Variants in TAFA1 observed in about 807,000 individuals in gnomAD.
TAFA1 encodes the protein TAFA chemokine like family member 1, also known as chemokine-like protein TAFA-1.
A neutral mutation model predicts 18.5 loss-of-function variants in TAFA1; 4 were observed. That is an observed-to-expected ratio of 0.22 (90% CI 0.11 to 0.49). The LOEUF (loss-of-function observed/expected upper bound fraction) is 0.49. Ranked by LOEUF, TAFA1 falls within the 20% of genes least tolerant of loss-of-function variation. TAFA1 has a pLI of 0.98. For missense variants in TAFA1, 147 were observed against 169.0 expected, an observed-to-expected ratio of 0.87 and a Z score of 0.72; for synonymous variants, 56 against 55.2, an observed-to-expected ratio of 1.01 and a Z score of -0.06.
intron 2 of TAFA1, among the ~76,000 whole-genome samples, chr3:68,214,684 A>T (rs1387601268): frequency 6.6e-6 from 1 of 152,080 alleles, no homozygotes; most frequent in African/African-American, 2.4e-5. Context: ...TTATGTGCTA[A>T]ATTCTTGATT....
intron 2 of TAFA1, among the ~76,000 whole-genome samples, chr3:68,026,905 G>A (rs1704828547): frequency 6.6e-6 from 1 of 152,140 alleles, no homozygotes; most frequent in Admixed American, 6.6e-5. Context: ...AGGCTATATA[G>A]GAAGCACAGT....
At chr3:68,183,129 G>A (rs1447349850) in intron 2 of TAFA1, among the ~76,000 whole-genome samples, 1 of 152,090 alleles carries the variant, frequency 6.6e-6, no homozygotes. Flanking sequence ...CGCTTTGGGT[G>A]AAATGGTGGT....
intron 2 of TAFA1, among the ~76,000 whole-genome samples, chr3:68,411,179 T>C (rs1027047233): frequency 6.6e-6 from 1 of 152,228 alleles, no homozygotes; most frequent in Non-Finnish European, 1.5e-5. Flanking sequence ...TGTCATTTTA[T>C]GTCCTTATAG....
At position 68,161,113 on chromosome 3, in the gene TAFA1, G is replaced by A. The variant is rs552830818; in HGVS notation, c.118+154369G>A. ...TGTAATGTTATGATAATACTTTGAT[G>A]TCAACACAATCTAAGTTAGGAAGCT... On this transcript the variant is annotated intron_variant, in intron 2 of 4. Coordinates refer to ENST00000478136, the MANE Select transcript of TAFA1 (RefSeq NM_213609.4). 1.2e-4 allele frequency among the ~76,000 whole-genome samples: 18 copies of A among 152,166 alleles called. No individual in the cohort carries two copies. The South Asian group carries it at 3.1e-3, about 26-fold the overall frequency.
chr3:68,461,372 T>TATATATATATATATATATATATATAC (rs1559679336), intron 3 of TAFA1, among the ~76,000 whole-genome samples: 2 of 142,826 alleles, frequency 1.4e-5, no homozygotes, highest in African/African-American at 5.3e-5. Context: ...TATATATATA[T>TATATATATATATATATATATATATAC]ATATATATGT....
chr3:68,480,411 T>TAA lies in TAFA1; in HGVS notation c.260-58338_260-58337dup, dbSNP rs34324836. Among the ~76,000 whole-genome samples, 8 of 151,148 alleles carry TAA rather than the reference T, an allele frequency of 5.3e-5. No homozygotes were observed. The South Asian group carries it at 6.3e-4, about 12-fold the overall frequency. On this transcript the variant is annotated intron_variant, in intron 3 of 4. Transcript: ENST00000478136. ...GAGCGAGACTTGGTCTCAAAAAACATAAAAAAAAGAAAAAGAAATGTAAAT... is the reference window on the plus strand; with the variant it reads ...GAGCGAGACTTGGTCTCAAAAAACATAAAAAAAAAAGAAAAAGAAATGTAAAT...
At chr3:68,026,446 C>G (rs1357011800) in intron 2 of TAFA1, among the ~76,000 whole-genome samples, 2 of 151,862 alleles carry the variant, frequency 1.3e-5, no homozygotes, top group African/African-American at 2.4e-5. Flanking sequence ...AGAGACTTTT[C>G]AGATTTAAAT....
intron 3 of TAFA1, among the ~76,000 whole-genome samples, chr3:68,496,978 TAG>T (rs147931074): frequency 2.3e-3 from 345 of 151,918 alleles, no homozygotes; most frequent in Non-Finnish European, 3.9e-3. Context: ...CAGCTTTTAG[TAG>T]AGAGAGAGAG....
At chr3:68,087,904 CTTAT>C (rs1205569737) in intron 2 of TAFA1, among the ~76,000 whole-genome samples, 5 of 152,004 alleles carry the variant, frequency 3.3e-5, no homozygotes, top group Non-Finnish European at 5.9e-5. Flanking sequence ...ACATTATTTA[CTTAT>C]TTATTTATTC....
At chr3:68,305,030 T>C (rs531369284) in intron 2 of TAFA1, among the ~76,000 whole-genome samples, 82 of 152,166 alleles carry the variant, frequency 5.4e-4, no homozygotes, top group African/African-American at 1.8e-3. Context: ...GTACCACAGA[T>C]TGGGTGGCTT....
At chr3:68,382,632 A>C (rs1038101835) in intron 2 of TAFA1, among the ~76,000 whole-genome samples, 3 of 151,956 alleles carry the variant, frequency 2.0e-5, no homozygotes, top group African/African-American at 7.2e-5. Flanking sequence ...TTATAGTTTG[A>C]AGTCAGGTAG....
In TAFA1 at chr3:68,242,892, A is replaced by AT. The variant is rs140248019; in HGVS notation, c.119-174384dup. Among the ~76,000 whole-genome samples the AT allele has an allele frequency of 6.8e-3, 1,029 of 152,174 alleles. 19 individuals are homozygous for AT. The highest frequency in any genetic ancestry group is 0.023 in the African/African-American group (966 of 41,530). On this transcript the variant is annotated intron_variant, in intron 2 of 4. Transcript: ENST00000478136. ...TTTTATCTCCTATTTCCTAAGAAGC[A>AT]TTTTAAGTTGATATTTATCCTCTTG...
At chr3:68,359,117 T>C (rs2069422094) in intron 2 of TAFA1, among the ~76,000 whole-genome samples, 1 of 152,074 alleles carries the variant, frequency 6.6e-6, no homozygotes, top group Non-Finnish European at 1.5e-5. Flanking sequence ...TTATTTATGC[T>C]ACCCTTCTCC....
intron 2 of TAFA1, among the ~76,000 whole-genome samples, chr3:68,198,280 C>T (rs2066434802): frequency 6.6e-6 from 1 of 151,626 alleles, no homozygotes; most frequent in Non-Finnish European, 1.5e-5. Context: ...ACCTACTGAA[C>T]AACATCTTCA....
chr3:68,113,350 A>T (rs1325500190), intron 2 of TAFA1, among the ~76,000 whole-genome samples: 1 of 152,206 alleles, frequency 6.6e-6, no homozygotes, highest in Admixed American at 6.5e-5. Context: ...TGCTGGGAAA[A>T]TTGGAAATCC....
At chr3:68,364,193 A>C (rs207463190) in intron 2 of TAFA1, among the ~76,000 whole-genome samples, 1 of 152,174 alleles carries the variant, frequency 6.6e-6, no homozygotes, top group Non-Finnish European at 1.5e-5. Flanking sequence ...AGCACTTAGG[A>C]CAGAAGGATA....
chr3:68,248,503 TC>T (rs2067128043), intron 2 of TAFA1, among the ~76,000 whole-genome samples: 1 of 151,902 alleles, frequency 6.6e-6, no homozygotes, highest in Non-Finnish European at 1.5e-5. Context: ...AGAAACCAGA[TC>T]TTAAAGTAAA....
chr3:68,058,981 A>G (rs1187128909), intron 2 of TAFA1, among the ~76,000 whole-genome samples: 2 of 152,166 alleles, frequency 1.3e-5, no homozygotes, highest in African/African-American at 2.4e-5. Flanking sequence ...GATATTTGCT[A>G]TTATATATAA....
intron 3 of TAFA1, among the ~76,000 whole-genome samples, chr3:68,499,806 C>T (rs1408637911): frequency 2.7e-5 from 4 of 149,026 alleles, no homozygotes; most frequent in African/African-American, 9.9e-5. Context: ...TGTCAAGATT[C>T]TCTTGGTTAT....
Sources: allele counts gnomAD v4.1 joint callset (sites outside exome capture counted in the v4.1 genomes callset), GRCh38; gene constraint gnomAD v4.1.1; transcripts MANE v1.5; gene names NCBI Gene and HGNC (gene_info 2026-07-23, HGNC 2026-07-21).